KCNQ1OT1: variants seen among roughly 807,000 people sequenced by gnomAD.
KCNQ1OT1 encodes the protein KCNQ1 opposite strand/antisense transcript 1.
Position 2,616,427 on chromosome 11 carries a change from CTT to C in KCNQ1OT1, n.83566_83567del, listed in dbSNP as rs1405983943. On this transcript the variant is annotated non_coding_transcript_exon_variant, in exon 1 of 1. Coordinates refer to ENST00000597346, the Ensembl canonical transcript of KCNQ1OT1. The stretch of plus-strand genomic sequence containing the variant: ...ACTCATACATATTATTTCATTCTCT[CTT>C]TTAACTTTAGGTTTACTTCGTTCTT... 5 of 397,942 alleles carry C rather than the reference CTT, an allele frequency of 1.3e-5. No homozygotes were observed. The East Asian group carries it at 1.4e-4, about 11-fold the overall frequency. 24.7% of individuals were successfully genotyped at this position (397,942 alleles called of 1,614,324 possible).
chr11:2,640,493 C>A (rs1849556168), exon 1 of KCNQ1OT1: 4 of 398,076 alleles, frequency 1.0e-5, no homozygotes, highest in South Asian at 2.6e-4. Flanking sequence ...GCATTGTTGC[C>A]CAGGCTGGTC....
chr11:2,640,985 A>C lies in KCNQ1OT1; in HGVS notation n.59010T>G, dbSNP rs1159457840. The C allele has an allele frequency of 1.8e-5, 7 of 398,500 alleles. No homozygotes were observed. In the East Asian group the frequency reaches 2.5e-4, roughly 14 times the overall value. The allele number at this position is 398,500 out of a possible 1,614,324, so 24.7% of individuals were successfully genotyped here. On this transcript the variant is annotated non_coding_transcript_exon_variant, in exon 1 of 1. Coordinates refer to ENST00000597346, the Ensembl canonical transcript of KCNQ1OT1. ...CTCCAGCTCCATTCATGTTGCTGCAAAGGACATGATTTCATTCTTCTTTGG... is the reference window on the plus strand; with the variant it reads ...CTCCAGCTCCATTCATGTTGCTGCACAGGACATGATTTCATTCTTCTTTGG...
At chr11:2,685,264 G>T in exon 1 of KCNQ1OT1, 1 of 398,662 alleles carries the variant, frequency 2.5e-6, no homozygotes, top group Non-Finnish European at 4.4e-6. Flanking sequence ...CAGGGCACAC[G>T]TGCCACTGTG....
Position 2,621,852 on chromosome 11 carries a change from C to T in KCNQ1OT1, n.78143G>A. 1 of 398,150 alleles carries T rather than the reference C, an allele frequency of 2.5e-6. No individual in the cohort carries two copies. Among genetic ancestry groups the T allele is most frequent in the Non-Finnish European group, 4.4e-6 (1 of 225,902 alleles). 24.7% of individuals were successfully genotyped at this position (398,150 alleles called of 1,614,324 possible). A position where few individuals can be genotyped will look rare whatever the true frequency, so the allele number is the denominator to read the frequency against. On this transcript the variant is annotated non_coding_transcript_exon_variant, in exon 1 of 1. Coordinates refer to ENST00000597346, the Ensembl canonical transcript of KCNQ1OT1. This position sits in a 1 kb window ranked among gnomAD's most constrained non-coding sequence, Gnocchi z 5.7. ...TCTTAGTTTTACTGACTTTTTTCCCCTATGGTTTTTCTTTCTAACTTGTCT... is the reference window on the plus strand; with the variant it reads ...TCTTAGTTTTACTGACTTTTTTCCCTTATGGTTTTTCTTTCTAACTTGTCT...
exon 1 of KCNQ1OT1, chr11:2,684,298 C>G (rs1850448323): frequency 2.5e-6 from 1 of 398,636 alleles, no homozygotes. Context: ...CATTGCAACT[C>G]ATTTCTTCCC....
At chr11:2,635,826 T>A (rs1247705339) in exon 1 of KCNQ1OT1, 1 of 152,262 alleles carries the variant, frequency 6.6e-6, no homozygotes, top group African/African-American at 2.4e-5. Flanking sequence ...CATGGAATGT[T>A]CTTCCATTTG....
Position 2,698,418 on chromosome 11 carries a change from C to T in KCNQ1OT1, n.1577G>A, listed in dbSNP as rs915684628. On this transcript the variant is annotated non_coding_transcript_exon_variant, in exon 1 of 1. Transcript: ENST00000597346. This position sits in a 1 kb window ranked among gnomAD's most constrained non-coding sequence, Gnocchi z 5.1. The stretch of plus-strand genomic sequence containing the variant: ...ACTGGGATCTGAACATAGTGGTGGC[C>T]CTTCAAGCCTACTACCCAGACTGAG... The T allele has an allele frequency of 6.1e-5, 24 of 391,108 alleles. No individual in the cohort carries two copies. Among genetic ancestry groups the T allele is most frequent in the Non-Finnish European group, 3.1e-5 (7 of 224,562 alleles). The allele number at this position is 391,108 out of a possible 1,614,324, so 24.2% of individuals were successfully genotyped here.
chr11:2,626,424 C>T lies in KCNQ1OT1; in HGVS notation n.73571G>A, dbSNP rs950506585. ...GCACTCTTCTCAGGAATCATTTGAT[C>T]ATGTATACAAGGGTTTATTTTTGGG... On this transcript the variant is annotated non_coding_transcript_exon_variant, in exon 1 of 1. Coordinates refer to ENST00000597346, the Ensembl canonical transcript of KCNQ1OT1. The surrounding 1 kb of genome is among the most constrained non-coding windows in gnomAD (Gnocchi z 4.0). The T allele has an allele frequency of 2.5e-6, 1 of 398,520 alleles. No homozygotes were observed. The highest frequency in any genetic ancestry group is 2.1e-5 in the African/African-American group (1 of 48,624). The allele number at this position is 398,520 out of a possible 1,614,324, so 24.7% of individuals were successfully genotyped here. A position where few individuals can be genotyped will look rare whatever the true frequency, so the allele number is the denominator to read the frequency against.
chr11:2,698,627 T>G lies in KCNQ1OT1; in HGVS notation n.1368A>C, dbSNP rs1177004697. Reference sequence around the variant, plus strand: ...TCAATTCCTGACTCCCATACCCCACTGAGACCTCTAACCCCAATCCCAATC... The same window carrying G: ...TCAATTCCTGACTCCCATACCCCACGGAGACCTCTAACCCCAATCCCAATC... On this transcript the variant is annotated non_coding_transcript_exon_variant, in exon 1 of 1. Transcript: ENST00000597346. The surrounding 1 kb of genome is among the most constrained non-coding windows in gnomAD (Gnocchi z 5.1). 2 of 398,136 alleles carry G rather than the reference T, an allele frequency of 5.0e-6. No individual in the cohort carries two copies. The highest frequency in any genetic ancestry group is 4.1e-5 in the African/African-American group (2 of 48,378). 24.7% of individuals were successfully genotyped at this position (398,136 alleles called of 1,614,324 possible). A position where few individuals can be genotyped will look rare whatever the true frequency, so the allele number is the denominator to read the frequency against.
chr11:2,660,829 C>G, exon 1 of KCNQ1OT1: 1 of 398,546 alleles, frequency 2.5e-6, no homozygotes, highest in Non-Finnish European at 4.4e-6. Context: ...AAGGACACAC[C>G]CTCTCACCCT....
At position 2,691,977 on chromosome 11, in the gene KCNQ1OT1, C is replaced by T; in HGVS notation, n.8018G>A. On this transcript the variant is annotated non_coding_transcript_exon_variant, in exon 1 of 1. Transcript: ENST00000597346. This position sits in a 1 kb window ranked among gnomAD's most constrained non-coding sequence, Gnocchi z 6.4. The stretch of plus-strand genomic sequence containing the variant: ...TGCCAGTGCCTTTCTCTATGCAAAC[C>T]ATTTCCCTAAGCTGTTCCCTCAGCA... The T allele has an allele frequency of 2.5e-6, 1 of 398,636 alleles. No individual in the cohort carries two copies. The highest frequency in any genetic ancestry group is 4.4e-6 in the Non-Finnish European group (1 of 226,098). The allele number at this position is 398,636 out of a possible 1,614,324, so 24.7% of individuals were successfully genotyped here.
At position 2,651,047 on chromosome 11, in the gene KCNQ1OT1, C is replaced by G. The variant is rs183092035; in HGVS notation, n.48948G>C. 1.1e-3 allele frequency: 429 copies of G among 398,862 alleles called. 2 individuals carry two copies. Among genetic ancestry groups the G allele is most frequent in the Non-Finnish European group, 1.6e-3 (372 of 226,218 alleles). The allele number at this position is 398,862 out of a possible 1,614,324, so 24.7% of individuals were successfully genotyped here. A position where few individuals can be genotyped will look rare whatever the true frequency, so the allele number is the denominator to read the frequency against. ...TCCCTGGTTAAAACCACCACCATTT[C>G]TCTGCCTACATTGTTGTCCATACCT... On this transcript the variant is annotated non_coding_transcript_exon_variant, in exon 1 of 1. Transcript: ENST00000597346. The surrounding 1 kb of genome is among the most constrained non-coding windows in gnomAD (Gnocchi z 6.1).
At chr11:2,648,181 G>A (rs1849696450) in exon 1 of KCNQ1OT1, 1 of 394,560 alleles carries the variant, frequency 2.5e-6, no homozygotes. Context: ...CTCTAGCCTG[G>A]GTGACAGAGT....
rs1006501007 is a variant in KCNQ1OT1 at position 2,612,713 on chromosome 11, G to T, written n.87282C>A. On this transcript the variant is annotated non_coding_transcript_exon_variant, in exon 1 of 1. Transcript: ENST00000597346. This position sits in a 1 kb window ranked among gnomAD's most constrained non-coding sequence, Gnocchi z 5.5. ...GTTATAATACTTACTTTGAAATCGC[G>T]CCCTAACATTTGGGGCCCTTCAGAG... 4 of 398,246 alleles carry T rather than the reference G, an allele frequency of 1.0e-5. No homozygotes were observed. Among genetic ancestry groups the T allele is most frequent in the Non-Finnish European group, 1.8e-5 (4 of 226,022 alleles). The allele number at this position is 398,246 out of a possible 1,614,324, so 24.7% of individuals were successfully genotyped here.
chr11:2,684,129 T>C (rs1411509844), exon 1 of KCNQ1OT1: 3 of 398,488 alleles, frequency 7.5e-6, no homozygotes, highest in Non-Finnish European at 1.3e-5. Context: ...AAGGGGACCG[T>C]TTCCCTTGAA....
chr11:2,660,239 AT>A (rs1436985593), exon 1 of KCNQ1OT1: 1 of 398,108 alleles, frequency 2.5e-6, no homozygotes, highest in Non-Finnish European at 4.4e-6. Context: ...TCATTTTCTA[AT>A]TGTTGATCAT....
chr11:2,668,841 G>A lies in KCNQ1OT1; in HGVS notation n.31154C>T. 2.5e-6 allele frequency: 1 copy of A among 398,590 alleles called. No homozygotes were observed. The highest frequency in any genetic ancestry group is 4.4e-6 in the Non-Finnish European group (1 of 226,070). The allele number at this position is 398,590 out of a possible 1,614,324, so 24.7% of individuals were successfully genotyped here. A position where few individuals can be genotyped will look rare whatever the true frequency, so the allele number is the denominator to read the frequency against. On this transcript the variant is annotated non_coding_transcript_exon_variant, in exon 1 of 1. Transcript: ENST00000597346. This position sits in a 1 kb window ranked among gnomAD's most constrained non-coding sequence, Gnocchi z 4.3. ...TAATCAAACATTTCCTCTCTGGATA[G>A]GGCTGTTTGTGTCCTATTTAAGAAA... is the stretch of plus-strand genomic sequence containing the variant.
At chr11:2,643,063 A>AT in exon 1 of KCNQ1OT1, 1 of 398,036 alleles carries the variant, frequency 2.5e-6, no homozygotes, top group Non-Finnish European at 4.4e-6. Context: ...ATTTAAAATC[A>AT]TACTTAGTGT....
rs1849918337 is a variant in KCNQ1OT1 at position 2,659,827 on chromosome 11, AT to A, written n.40167del. 1 of 398,332 alleles carries A rather than the reference AT, an allele frequency of 2.5e-6. No individual in the cohort carries two copies. The highest frequency in any genetic ancestry group is 4.4e-6 in the Non-Finnish European group (1 of 225,982). The allele number at this position is 398,332 out of a possible 1,614,324, so 24.7% of individuals were successfully genotyped here. ...CATTGTGATTCTAATTTGCATTTCC[AT>A]ATTTATGTTAATTATGTATCTTTTC... On this transcript the variant is annotated non_coding_transcript_exon_variant, in exon 1 of 1. Coordinates refer to ENST00000597346, the Ensembl canonical transcript of KCNQ1OT1. The surrounding 1 kb of genome is among the most constrained non-coding windows in gnomAD (Gnocchi z 4.3).
Sources: gnomAD v4.1 joint callset for allele counts on GRCh38, gnomAD v4.1.1 for gene constraint, Gnocchi (gnomAD v3.1) non-coding constraint, MANE v1.5 for transcripts, NCBI Gene and HGNC (gene_info 2026-07-23, HGNC 2026-07-21) for gene names.